SLC1A3: variants seen among roughly 807,000 people sequenced by gnomAD.
SLC1A3 encodes the protein solute carrier family 1 member 3.
Under a neutral mutation model 48.1 loss-of-function variants are expected in SLC1A3, and 21 were observed. That is an observed-to-expected ratio of 0.44 (90% confidence interval 0.31 to 0.63). SLC1A3 has a LOEUF of 0.63. SLC1A3 is among the 20% of genes least tolerant of loss of function. The pLI is 0.08. For synonymous variants in SLC1A3, 239 were observed against 251.4 expected (o/e 0.95, Z 0.47); for missense variants, 546 against 689.0 (o/e 0.79, Z 2.32).
chr5:36,616,492 G>T (rs1008774931), intron 2 of SLC1A3, among the ~76,000 whole-genome samples: 8 of 152,130 alleles, frequency 5.3e-5, no homozygotes, highest in Non-Finnish European at 8.8e-5. Context: ...TCAAGACGGG[G>T]TTTCTGTCTC....
intron 3 of SLC1A3, among the ~76,000 whole-genome samples, chr5:36,664,707 C>T (rs947009105): frequency 1.3e-5 from 2 of 152,196 alleles, no homozygotes; most frequent in Admixed American, 6.5e-5. Flanking sequence ...TGAAGGCACA[C>T]ATTTAGACCA....
At chr5:36,599,449 C>T (rs947514255) in intron 1 of SLC1A3, among the ~76,000 whole-genome samples, 1 of 150,574 alleles carries the variant, frequency 6.6e-6, no homozygotes, top group South Asian at 2.1e-4. Context: ...CACCTACGTC[C>T]CTAGGAATAG....
chr5:36,687,105 T>C lies in SLC1A3; in HGVS notation c.*836T>C, dbSNP rs375811957. The C allele has an allele frequency of 9.2e-5, 14 of 152,474 alleles. No individual in the cohort carries two copies. Among genetic ancestry groups the C allele is most frequent in the African/African-American group, 3.4e-4 (14 of 41,594 alleles). 9.4% of individuals were successfully genotyped at this position (152,474 alleles called of 1,614,324 possible). A position where few individuals can be genotyped will look rare whatever the true frequency, so the allele number is the denominator to read the frequency against. On this transcript the variant is annotated 3_prime_UTR_variant, in exon 10 of 10. Coordinates refer to ENST00000265113, the MANE Select transcript of SLC1A3 (RefSeq NM_004172.5). ...GGTCCTGTGAGCAAAGTGCAGGTTA[T>C]GCAAGTCGCCAGGCAGGAGGCCATT...
At chr5:36,601,230 C>T (rs1738804027) in intron 1 of SLC1A3, among the ~76,000 whole-genome samples, 1 of 151,566 alleles carries the variant, frequency 6.6e-6, no homozygotes, top group South Asian at 2.1e-4. Flanking sequence ...CATCACTGTG[C>T]TTCATAAAAC....
At chr5:36,659,061 T>C (rs1741402330) in intron 3 of SLC1A3, among the ~76,000 whole-genome samples, 1 of 152,160 alleles carries the variant, frequency 6.6e-6, no homozygotes, top group African/African-American at 2.4e-5. Flanking sequence ...CAATTCCACA[T>C]TGGATAGATC....
chr5:36,638,486 C>T (rs532534826), intron 3 of SLC1A3, among the ~76,000 whole-genome samples: 5 of 152,240 alleles, frequency 3.3e-5, no homozygotes, highest in Admixed American at 6.5e-5. Flanking sequence ...TCAATCTTTC[C>T]GTAAAGTTAG....
At chr5:36,604,391 A>G (rs1440328014), upstream of SLC1A3, among the ~76,000 whole-genome samples, 4 of 152,128 alleles carry the variant, frequency 2.6e-5, no homozygotes, top group Non-Finnish European at 5.9e-5. Context: ...AGTAGAGGGG[A>G]AAAGGTAGAA....
chr5:36,672,056 G>T (rs114507045), intron 4 of SLC1A3, among the ~76,000 whole-genome samples: 2 of 152,164 alleles, frequency 1.3e-5, no homozygotes, highest in Non-Finnish European at 1.5e-5. Flanking sequence ...CGATGGTAAG[G>T]CCTCAAAGCC....
chr5:36,616,897 GTTAT>G, intron 2 of SLC1A3, among the ~76,000 whole-genome samples: 1 of 152,170 alleles, frequency 6.6e-6, no homozygotes, highest in Non-Finnish European at 1.5e-5. Context: ...CTTTTATTTA[GTTAT>G]TTATTTATTT....
At position 36,600,389 on chromosome 5, in the gene SLC1A3, C is replaced by T. The variant is rs140810202; in HGVS notation, c.-96+3711C>T. ...TCCTACAATACTGTATTTGCCCAACCTTGCACCACTCAGGTCTCCTGACCC... is the reference window on the plus strand; with the variant it reads ...TCCTACAATACTGTATTTGCCCAACTTTGCACCACTCAGGTCTCCTGACCC... On this transcript the variant is annotated intron_variant, in intron 1 of 9. Transcript: ENST00000680318. 4.6e-3 allele frequency among the ~76,000 whole-genome samples: 700 copies of T among 152,264 alleles called. 2 individuals carry two copies. Among genetic ancestry groups the T allele is most frequent in the Middle Eastern group, 6.8e-3 (2 of 294 alleles).
intron 5 of SLC1A3, among the ~76,000 whole-genome samples, chr5:36,676,131 A>C (rs1420302778): frequency 6.6e-6 from 1 of 152,198 alleles, no homozygotes; most frequent in Non-Finnish European, 1.5e-5. Flanking sequence ...AGACTTGGAG[A>C]AGATGAGCTG....
At chr5:36,599,507 A>ATTTTTTTTTTT (rs1234773628) in intron 1 of SLC1A3, among the ~76,000 whole-genome samples, 6 of 30,626 alleles carry the variant, frequency 2.0e-4, no homozygotes, top group South Asian at 1.5e-3. Context: ...CTACGGTTGA[A>ATTTTTTTTTTT]CTTTTTTTTT....
In SLC1A3 at chr5:36,613,252, T is replaced by A. The variant is rs539639536; in HGVS notation, c.181+4648T>A. 3 of 188,290 alleles carry A rather than the reference T, an allele frequency of 1.6e-5. No homozygotes were observed. The South Asian group carries it at 3.3e-4, about 21-fold the overall frequency. 11.7% of individuals were successfully genotyped at this position (188,290 alleles called of 1,614,324 possible). On this transcript the variant is annotated intron_variant, in intron 2 of 9. Coordinates refer to ENST00000265113, the MANE Select transcript of SLC1A3 (RefSeq NM_004172.5). ...GTTCTGTCTTTGGATTTCAAGTGAATAAGGATCAGTGAATCGGGCTATCCT... is the reference window on the plus strand; with the variant it reads ...GTTCTGTCTTTGGATTTCAAGTGAAAAAGGATCAGTGAATCGGGCTATCCT...
intron 3 of SLC1A3, among the ~76,000 whole-genome samples, chr5:36,639,925 C>G (rs1740545344): frequency 6.6e-6 from 1 of 152,144 alleles, no homozygotes; most frequent in Non-Finnish European, 1.5e-5. Context: ...CTGGAAATGA[C>G]TGGGAACCCG....
At chr5:36,608,688 C>A in intron 2 of SLC1A3, 84 bp downstream of exon 2, 6 of 1,582,770 alleles carry the variant, frequency 3.8e-6, no homozygotes, top group Non-Finnish European at 5.1e-6. Flanking sequence ...ATCAGATGAA[C>A]TAGTTGTAGG....
chr5:36,649,596 C>G (rs982019677), intron 3 of SLC1A3, among the ~76,000 whole-genome samples: 4 of 152,172 alleles, frequency 2.6e-5, no homozygotes, highest in Non-Finnish European at 5.9e-5. Flanking sequence ...TTCACTCCAA[C>G]AGATTTATTC....
chr5:36,603,723 G>A (rs144329355), upstream of SLC1A3, among the ~76,000 whole-genome samples: 1 of 152,000 alleles, frequency 6.6e-6, no homozygotes, highest in African/African-American at 2.4e-5. Flanking sequence ...TTACACTCTG[G>A]GGTTAAGTCA....
At chr5:36,629,708 A>G in intron 3 of SLC1A3, 121 bp downstream of exon 3, 1 of 846,558 alleles carries the variant, frequency 1.2e-6, no homozygotes, top group Non-Finnish European at 2.0e-6. Context: ...AGAAAAAAAA[A>G]AAAAGTCCCT....
chr5:36,651,141 TAAAAA>T (rs58660599), intron 3 of SLC1A3, among the ~76,000 whole-genome samples: 1,757 of 114,558 alleles, frequency 0.015, 16 homozygotes, highest in Middle Eastern at 0.021. Flanking sequence ...AAGTTTTTTT[TAAAAA>T]AAAAAAAAAA....
Sources: allele counts gnomAD v4.1 joint callset (sites outside exome capture counted in the v4.1 genomes callset), GRCh38; gene constraint gnomAD v4.1.1; transcripts MANE v1.5; gene names NCBI Gene and HGNC (gene_info 2026-07-23, HGNC 2026-07-21).